The following PARD3B variants were observed in gnomAD, a reference collection of about 807,000 sequenced individuals.
PARD3B encodes par-3 family cell polarity regulator beta.
In PARD3B, 103 loss-of-function variants were observed where a neutral mutation model predicts 130.2. That is an observed-to-expected ratio of 0.79 (90% CI 0.67 to 0.93). The LOEUF (loss-of-function observed/expected upper bound fraction) is 0.93. Among genes scored for constraint, PARD3B ranks in the 40% least tolerant of loss-of-function variants. PARD3B has a pLI of 0.00. For missense variants in PARD3B, 1,609 were observed against 1,499.2 expected (o/e 1.07, Z -1.21); for synonymous variants, 583 against 553.2 (o/e 1.05, Z -0.76).
chr2:205,186,938 T>G (rs2036138193), intron 14 of PARD3B, among the ~76,000 whole-genome samples: 1 of 152,224 alleles, frequency 6.6e-6, no homozygotes, highest in African/African-American at 2.4e-5. Context: ...TGTTCTACCT[T>G]ACTGTTTATC....
At position 204,887,955 on chromosome 2, in the gene PARD3B, A is replaced by G. The variant is rs2125682958; in HGVS notation, c.223-77197A>G. On this transcript the variant is annotated intron_variant, in intron 2 of 22. Coordinates refer to ENST00000406610, the MANE Select transcript of PARD3B (RefSeq NM_001302769.2). This position sits in a 1 kb window ranked among gnomAD's most constrained non-coding sequence, Gnocchi z 4.2. The stretch of plus-strand genomic sequence containing the variant: ...ATTTGAGCTGATTCTTGAGGAATGT[A>G]TGAGAACTGTTAAGACCCCAGCATT... 6.6e-6 allele frequency among the ~76,000 whole-genome samples: 1 copy of G among 152,210 alleles called. No homozygotes were observed. The highest frequency in any genetic ancestry group is 1.9e-4 in the East Asian group (1 of 5,158).
rs1349838581 is a variant in PARD3B at position 204,998,480 on chromosome 2, TATATA to T, written c.394+33163_394+33167del. ...TATATTATATATGTATATATATGTG[TATATA>T]ATATATGTATATATATGTGTATATA... On this transcript the variant is annotated intron_variant, in intron 3 of 22. Coordinates refer to ENST00000406610, the MANE Select transcript of PARD3B (RefSeq NM_001302769.2). 4.5e-4 allele frequency among the ~76,000 whole-genome samples: 39 copies of T among 86,504 alleles called. 7 individuals carry two copies. Among genetic ancestry groups the T allele is most frequent in the African/African-American group, 1.7e-3 (35 of 20,442 alleles). The allele number at this position is 86,504 out of a possible 152,430, so 56.7% of individuals were successfully genotyped here.
At chr2:205,514,146 C>G (rs2050697177) in intron 21 of PARD3B, among the ~76,000 whole-genome samples, 1 of 152,082 alleles carries the variant, frequency 6.6e-6, no homozygotes, top group African/African-American at 2.4e-5. Flanking sequence ...CCAAGATCAG[C>G]CCGAGAGAGT....
chr2:205,209,614 A>G (rs2037512248), intron 15 of PARD3B, among the ~76,000 whole-genome samples: 2 of 151,334 alleles, frequency 1.3e-5, no homozygotes, highest in Non-Finnish European at 1.5e-5. Flanking sequence ...AAATAATTAA[A>G]AATATATGAT....
In PARD3B at chr2:204,853,429, G is replaced by A. The variant is rs58415117; in HGVS notation, c.223-111723G>A. ...TGTGAAAGTGAAGACAGAATGATGGGCTGGGTTGTGTTGTTTGAGGCCAAG... is the reference window on the plus strand; with the variant it reads ...TGTGAAAGTGAAGACAGAATGATGGACTGGGTTGTGTTGTTTGAGGCCAAG... On this transcript the variant is annotated intron_variant, in intron 2 of 22. Transcript: ENST00000406610. Among the ~76,000 whole-genome samples the A allele has an allele frequency of 8.2e-3, 1,245 of 152,232 alleles. 10 individuals are homozygous for A. The highest frequency in any genetic ancestry group is 0.028 in the African/African-American group (1,148 of 41,528).
intron 20 of PARD3B, among the ~76,000 whole-genome samples, chr2:205,449,783 C>G (rs1243843489): frequency 6.6e-6 from 1 of 152,146 alleles, no homozygotes; most frequent in Non-Finnish European, 1.5e-5. Context: ...TTGCAGAAAA[C>G]TTTTATTGAG....
rs540990570 is a variant in PARD3B, at chr2:205,189,306, A to G, written c.2024+3443A>G. On this transcript the variant is annotated intron_variant, in intron 14 of 22. Coordinates refer to ENST00000406610, the MANE Select transcript of PARD3B (RefSeq NM_001302769.2). ...TTCATCCCCCACCTTTTCACCTCAG[A>G]CAGTTCTTGAACATTCATTGTTGGC... Among the ~76,000 whole-genome samples, 40 of 152,284 alleles carry G rather than the reference A, an allele frequency of 2.6e-4. 1 individual carries two copies. The South Asian group carries it at 8.1e-3, about 31-fold the overall frequency.
At chr2:204,745,403 C>G (rs987295975) in intron 2 of PARD3B, among the ~76,000 whole-genome samples, 2 of 79,504 alleles carry the variant, frequency 2.5e-5, no homozygotes, top group African/African-American at 1.1e-4. Context: ...AAGGTAAATA[C>G]TACCTTTTTT....
chr2:204,660,617 G>A (rs1193094417), intron 1 of PARD3B, among the ~76,000 whole-genome samples: 3 of 152,064 alleles, frequency 2.0e-5, no homozygotes, highest in Non-Finnish European at 4.4e-5. Flanking sequence ...ACTAATCTTG[G>A]TTCCAAAAGG....
intron 22 of PARD3B, among the ~76,000 whole-genome samples, chr2:205,560,118 C>CCAAA (rs976472925): frequency 2.0e-5 from 3 of 152,114 alleles, no homozygotes; most frequent in African/African-American, 7.2e-5. Context: ...GGTTTTTAAC[C>CCAAA]CAAACAGTCT....
intron 1 of PARD3B, among the ~76,000 whole-genome samples, chr2:204,626,118 G>C (rs189461864): frequency 6.6e-6 from 1 of 152,134 alleles, no homozygotes; most frequent in Non-Finnish European, 1.5e-5. Context: ...AATTTGGTAG[G>C]TGAACAATTA....
intron 2 of PARD3B, among the ~76,000 whole-genome samples, chr2:204,732,237 G>C (rs947157420): frequency 1.2e-4 from 18 of 152,148 alleles, no homozygotes; most frequent in African/African-American, 4.3e-4. Flanking sequence ...AAACTGGACT[G>C]TAATTCTTAG....
chr2:205,235,687 T>C (rs1480791946), intron 15 of PARD3B, among the ~76,000 whole-genome samples: 3 of 152,170 alleles, frequency 2.0e-5, no homozygotes, highest in African/African-American at 7.2e-5. Flanking sequence ...TGGCACAAGA[T>C]TTCATCACAC....
At chr2:204,846,530 TAATTA>T (rs1302884821) in intron 2 of PARD3B, among the ~76,000 whole-genome samples, 2 of 151,638 alleles carry the variant, frequency 1.3e-5, no homozygotes, top group African/African-American at 4.9e-5. Context: ...TGTAAGGAGT[TAATTA>T]AAGTAAAATA....
chr2:205,081,856 G>T (rs943040953), intron 4 of PARD3B, among the ~76,000 whole-genome samples: 30 of 152,012 alleles, frequency 2.0e-4, no homozygotes, highest in African/African-American at 7.2e-4. Context: ...ATTGAGTAAT[G>T]TATTTATATG....
chr2:204,555,681 A>T (rs549034509), intron 1 of PARD3B, among the ~76,000 whole-genome samples: 1 of 152,164 alleles, frequency 6.6e-6, no homozygotes, highest in African/African-American at 2.4e-5. Context: ...TGACCTCATC[A>T]TCTACCACAC....
rs2039350015 is a variant in PARD3B at position 205,241,488 on chromosome 2, T to C, written c.2141-4290T>C. Among the ~76,000 whole-genome samples the C allele has an allele frequency of 6.6e-6, 1 of 152,156 alleles. No homozygotes were observed. The highest frequency in any genetic ancestry group is 1.5e-5 in the Non-Finnish European group (1 of 68,014). Reference sequence around the variant, plus strand: ...TGGTATCTCTTCAATTATTGTAATATCCATTTACGATAATCAAGAGCAAGT... The same window carrying C: ...TGGTATCTCTTCAATTATTGTAATACCCATTTACGATAATCAAGAGCAAGT... On this transcript the variant is annotated intron_variant, in intron 15 of 22. Transcript: ENST00000406610. This position sits in a 1 kb window ranked among gnomAD's most constrained non-coding sequence, Gnocchi z 4.2.
chr2:204,921,861 G>A (rs946206994), intron 2 of PARD3B, among the ~76,000 whole-genome samples: 6 of 152,002 alleles, frequency 3.9e-5, no homozygotes, highest in Non-Finnish European at 8.8e-5. Flanking sequence ...GTAGGAGGGT[G>A]GCAGTGGAAG....
chr2:204,611,651 A>C (rs1462744247), intron 1 of PARD3B, among the ~76,000 whole-genome samples: 1 of 152,228 alleles, frequency 6.6e-6, no homozygotes, highest in African/African-American at 2.4e-5. Flanking sequence ...ATATATAAAC[A>C]ACGAAAGGAA....
Sources: gnomAD v4.1 joint callset for allele counts (sites outside exome capture counted in the v4.1 genomes callset) on GRCh38, gnomAD v4.1.1 for gene constraint, Gnocchi (gnomAD v3.1) non-coding constraint, MANE v1.5 for transcripts, NCBI Gene and HGNC (gene_info 2026-07-23, HGNC 2026-07-21) for gene names.